The following DNAJC10 variants were observed in gnomAD, a reference collection of about 807,000 sequenced individuals.
The protein encoded by DNAJC10 is DnaJ heat shock protein family (Hsp40) member C10, also known as endoplasmic reticulum disulfide reductase DNAJC10.
A neutral mutation model predicts 115.0 loss-of-function variants in DNAJC10; 101 were observed. That is an observed-to-expected ratio of 0.88 (90% CI 0.75 to 1.04). The LOEUF is 1.04. DNAJC10 is among the 50% of genes least tolerant of loss of function. The pLI, the probability that DNAJC10 is intolerant of heterozygous loss-of-function variation, is 0.00. For missense variants in DNAJC10, 981 were observed against 928.8 expected (o/e 1.06, Z -0.73); for synonymous variants, 307 against 301.5 (o/e 1.02, Z -0.19).
At chr2:182,732,325 T>G (rs1464834290) in intron 9 of DNAJC10, among the ~76,000 whole-genome samples, 174 bp from the exon 10 acceptor site, 1 of 109,380 alleles carries the variant, frequency 9.1e-6, no homozygotes. Flanking sequence ...TGTGTGTTTT[T>G]GTGTGTGTGT....
At chr2:182,765,637 C>G (rs1694391515) in intron 22 of DNAJC10, among the ~76,000 whole-genome samples, 3 of 152,300 alleles carry the variant, frequency 2.0e-5, no homozygotes, top group East Asian at 1.9e-4. Flanking sequence ...GTGTTAGGTG[C>G]CTTCCAAGTC....
Position 182,775,393 on chromosome 2 carries a change from T to C in DNAJC10, c.2343T>C (p.Thr781=). The part of the protein sequence containing the change: ...IAALISEKLE[T]LRNQGKRNKD... ...CCTTAATAAGTGAAAAATTGGAAAC[T>C]CTCCGAAATCAAGGCAAGAGGAATA... The change falls in exon 23 of 24, where the codon ACT becomes ACC. Residue 781 remains threonine (T), a synonymous_variant. Transcript: ENST00000264065. The C allele has an allele frequency of 1.9e-6, 3 of 1,612,774 alleles. No homozygotes were observed. The highest frequency in any genetic ancestry group is 2.2e-5 in the South Asian group (2 of 90,974).
At chr2:182,756,676 CTT>C (rs532963808) in intron 18 of DNAJC10, among the ~76,000 whole-genome samples, 2 of 146,614 alleles carry the variant, frequency 1.4e-5, no homozygotes, top group East Asian at 2.0e-4. Flanking sequence ...ATCTGGTACA[CTT>C]TTTTTTTTTG....
intron 5 of DNAJC10, among the ~76,000 whole-genome samples, chr2:182,723,275 A>C (rs925574225): frequency 2.0e-5 from 3 of 151,948 alleles, no homozygotes; most frequent in African/African-American, 7.3e-5. Flanking sequence ...CGAACTCCTG[A>C]CCTCAGGCGA....
At chr2:182,746,178 A>G (rs1179555200) in intron 14 of DNAJC10, among the ~76,000 whole-genome samples, 1 of 152,186 alleles carries the variant, frequency 6.6e-6, no homozygotes, top group Non-Finnish European at 1.5e-5. Flanking sequence ...GCTATTGTGA[A>G]TAATGCCGCA....
At chr2:182,733,003 T>C (rs1359936952) in intron 10 of DNAJC10, among the ~76,000 whole-genome samples, 1 of 152,024 alleles carries the variant, frequency 6.6e-6, no homozygotes, top group Non-Finnish European at 1.5e-5. Context: ...ATTTTGGAAA[T>C]TCTTTGTGAG....
Position 182,781,646 on chromosome 2 carries a change from G to A in DNAJC10, c.*4514G>A, listed in dbSNP as rs1318404461. 2 of 152,028 alleles carry A rather than the reference G, an allele frequency of 1.3e-5. No homozygotes were observed. The highest frequency in any genetic ancestry group is 2.9e-5 in the Non-Finnish European group (2 of 67,998). 9.4% of individuals were successfully genotyped at this position (152,028 alleles called of 1,614,324 possible). A position where few individuals can be genotyped will look rare whatever the true frequency, so the allele number is the denominator to read the frequency against. ...ATCTGTTGTTTCCTCACTTTTTAAT[G>A]ATCGCCATTCTAACTGATGTGACAT... On this transcript the variant is annotated 3_prime_UTR_variant, in exon 24 of 24. Transcript: ENST00000264065.
At position 182,720,051 on chromosome 2, in the gene DNAJC10, A is replaced by T; in HGVS notation, c.249A>T (p.Ala83=). Residue 83 remains alanine (A), a synonymous_variant, in exon 4 of 24, where the codon GCA becomes GCT. Coordinates refer to ENST00000264065, the MANE Select transcript of DNAJC10 (RefSeq NM_018981.4). ...AHGDFLKINR[A]YEVLKDEDLR... ...GCGATTTTTTAAAAATAAATAGAGCATATGAAGTACTCAAAGATGAAGATC... is the reference window on the plus strand; with the variant it reads ...GCGATTTTTTAAAAATAAATAGAGCTTATGAAGTACTCAAAGATGAAGATC... 6.3e-7 allele frequency: 1 copy of T among 1,595,702 alleles called. No homozygotes were observed. Among genetic ancestry groups the T allele is most frequent in the Non-Finnish European group, 8.6e-7 (1 of 1,163,844 alleles).
intron 19 of DNAJC10, among the ~76,000 whole-genome samples, chr2:182,758,230 G>T (rs1015624106): frequency 6.6e-6 from 1 of 152,132 alleles, no homozygotes. Context: ...AGGTCTAGGA[G>T]TTATCTAAGG....
chr2:182,760,422 G>A (rs1574949952), intron 21 of DNAJC10, among the ~76,000 whole-genome samples: 1 of 152,136 alleles, frequency 6.6e-6, no homozygotes, highest in South Asian at 2.1e-4. Context: ...TAGCAATTTT[G>A]GGTTTTGTTC....
intron 14 of DNAJC10, among the ~76,000 whole-genome samples, chr2:182,744,942 T>TA (rs1388106918): frequency 1.3e-5 from 2 of 152,210 alleles, no homozygotes; most frequent in Admixed American, 1.3e-4. Context: ...TCTCTGTGCT[T>TA]ACTGCTTTGT....
chr2:182,762,241 A>T (rs1694304052), intron 21 of DNAJC10, among the ~76,000 whole-genome samples: 1 of 152,084 alleles, frequency 6.6e-6, no homozygotes, highest in Non-Finnish European at 1.5e-5. Context: ...ATGATTATAT[A>T]CATCTTCACT....
intron 14 of DNAJC10, among the ~76,000 whole-genome samples, chr2:182,747,571 A>G (rs1693901122): frequency 6.6e-6 from 1 of 151,976 alleles, no homozygotes; most frequent in African/African-American, 2.4e-5. Flanking sequence ...ATTTTTGCAC[A>G]TTGATTTTGT....
chr2:182,779,570 C>A lies in DNAJC10; in HGVS notation c.*2438C>A, dbSNP rs1428982475. On this transcript the variant is annotated 3_prime_UTR_variant, in exon 24 of 24. Coordinates refer to ENST00000264065, the MANE Select transcript of DNAJC10 (RefSeq NM_018981.4). ...ATCCAGCCTGGGCAACATAGCAAGA[C>A]CCCATCTCTAATAAATAAATTATGT... is the stretch of plus-strand genomic sequence containing the variant. 1 of 152,056 alleles carries A rather than the reference C, an allele frequency of 6.6e-6. No individual in the cohort carries two copies. Among genetic ancestry groups the A allele is most frequent in the African/African-American group, 2.4e-5 (1 of 41,406 alleles). The allele number at this position is 152,056 out of a possible 1,614,324, so 9.4% of individuals were successfully genotyped here. A position where few individuals can be genotyped will look rare whatever the true frequency, so the allele number is the denominator to read the frequency against.
chr2:182,719,918 A>T, intron 3 of DNAJC10, 89 bp from the exon 4 acceptor site: 1 of 704,556 alleles, frequency 1.4e-6, no homozygotes, highest in Non-Finnish European at 2.3e-6. Context: ...CCCAGAAGTT[A>T]CTAGATTAAT....
At chr2:182,749,807 T>C (rs1460006672) in intron 14 of DNAJC10, among the ~76,000 whole-genome samples, 1 of 152,224 alleles carries the variant, frequency 6.6e-6, no homozygotes, top group Non-Finnish European at 1.5e-5. Flanking sequence ...TCACAGTTTT[T>C]CGTGGTCAGG....
At chr2:182,747,372 G>A (rs1323492414) in intron 14 of DNAJC10, among the ~76,000 whole-genome samples, 1 of 152,014 alleles carries the variant, frequency 6.6e-6, no homozygotes, top group Non-Finnish European at 1.5e-5. Flanking sequence ...AGCATGGAAT[G>A]TTCTTCCATT....
chr2:182,752,325 A>G, intron 16 of DNAJC10, 137 bp downstream of exon 16: 4 of 470,138 alleles, frequency 8.5e-6, no homozygotes, highest in Non-Finnish European at 7.1e-6. Context: ...TTTAAACAAA[A>G]TAATATTTTT....
chr2:182,762,278 G>A (rs896410138), intron 21 of DNAJC10, among the ~76,000 whole-genome samples: 9 of 152,068 alleles, frequency 5.9e-5, no homozygotes, highest in Admixed American at 5.3e-4. Flanking sequence ...GACAGGGAGG[G>A]ACTGGAGAAT....
Sources: allele counts gnomAD v4.1 joint callset (sites outside exome capture counted in the v4.1 genomes callset), GRCh38; gene constraint gnomAD v4.1.1; transcripts MANE v1.5; gene names NCBI Gene and HGNC (gene_info 2026-07-23, HGNC 2026-07-21).